Variants in PLEKHA5 observed in about 807,000 individuals in gnomAD.
PLEKHA5 encodes pleckstrin homology domain containing A5.
Under a neutral mutation model 181.9 loss-of-function variants are expected in PLEKHA5, and 55 were observed. That is an observed-to-expected ratio of 0.30 (90% CI 0.24 to 0.38). The LOEUF (loss-of-function observed/expected upper bound fraction) is 0.38, where lower values mean the gene tolerates loss of function less well. PLEKHA5 is among the 10% of genes least tolerant of loss of function. The probability of loss-of-function intolerance (pLI) is 1.00; values close to 1 mark genes in which losing one functional copy is unlikely to be tolerated. For missense variants in PLEKHA5, 1,432 were observed against 1,549.5 expected, an observed-to-expected ratio of 0.92 and a Z score of 1.27; for synonymous variants, 535 against 529.4, an observed-to-expected ratio of 1.01 and a Z score of -0.15.
intron 15 of PLEKHA5, among the ~76,000 whole-genome samples, chr12:19,307,838 A>G (rs1016420494): frequency 2.6e-5 from 4 of 152,104 alleles, no homozygotes; most frequent in African/African-American, 9.7e-5. Context: ...AGAGACAACA[A>G]CGAAGAAGCA....
intron 3 of PLEKHA5, among the ~76,000 whole-genome samples, chr12:19,135,893 T>G (rs1350110508): frequency 1.3e-5 from 2 of 151,738 alleles, no homozygotes; most frequent in East Asian, 3.9e-4. Flanking sequence ...TTTTTTTTTT[T>G]TTTTTGAGGG....
At chr12:19,179,373 T>G (rs2048018245) in intron 3 of PLEKHA5, among the ~76,000 whole-genome samples, 1 of 152,090 alleles carries the variant, frequency 6.6e-6, no homozygotes, top group African/African-American at 2.4e-5. Flanking sequence ...GAATGAAGTG[T>G]TGGCCGGGCG....
At chr12:19,272,162 A>C (rs1011172593) in intron 10 of PLEKHA5, among the ~76,000 whole-genome samples, 9 of 152,114 alleles carry the variant, frequency 5.9e-5, no homozygotes, top group Non-Finnish European at 1.3e-4. Context: ...TTGATGGCCC[A>C]AAGAAAAAAA....
intron 15 of PLEKHA5, among the ~76,000 whole-genome samples, chr12:19,295,877 T>G (rs1012084903): frequency 6.6e-6 from 1 of 152,186 alleles, no homozygotes; most frequent in African/African-American, 2.4e-5. Flanking sequence ...GTGCTATATC[T>G]GAAGACCAGA....
At chr12:19,134,793 T>C (rs2035112664) in intron 3 of PLEKHA5, among the ~76,000 whole-genome samples, 1 of 152,120 alleles carries the variant, frequency 6.6e-6, no homozygotes, top group Admixed American at 6.5e-5. Flanking sequence ...CTTTGGAACT[T>C]ACAGTTTGCA....
chr12:19,180,839 G>A (rs1211202961), intron 3 of PLEKHA5, among the ~76,000 whole-genome samples: 5 of 147,274 alleles, frequency 3.4e-5, no homozygotes, highest in African/African-American at 5.0e-5. Flanking sequence ...TCCTGAGACT[G>A]TGCTTTATAT....
chr12:19,284,605 T>C (rs975380772), intron 12 of PLEKHA5, among the ~76,000 whole-genome samples: 1 of 152,220 alleles, frequency 6.6e-6, no homozygotes, highest in Admixed American at 6.5e-5. Context: ...ATGTTTTACT[T>C]TGTATATTAA....
At chr12:19,154,546 G>C (rs1405330109) in intron 3 of PLEKHA5, 1 of 152,130 alleles carries the variant, frequency 6.6e-6, no homozygotes, top group African/African-American at 2.4e-5. Context: ...AATTATTCGG[G>C]AAAATGCCCA....
In PLEKHA5 at chr12:19,347,286, T is replaced by C. The variant is rs71539466; in HGVS notation, c.2898+104T>C. 771 of 555,886 alleles carry C rather than the reference T, an allele frequency of 1.4e-3. 1 individual carries two copies. The highest frequency in any genetic ancestry group is 5.1e-3 in the Middle Eastern group (10 of 1,948). The allele number at this position is 555,886 out of a possible 1,614,324, so 34.4% of individuals were successfully genotyped here. ...AACTTTTTTTTTATTATAACCTTTA[T>C]AACCTCATTTTTGGCCAGCAGTTTT... On this transcript the variant is annotated intron_variant, in intron 24 of 31. Coordinates refer to ENST00000429027, the MANE Select transcript of PLEKHA5 (RefSeq NM_001256470.2).
chr12:19,199,068 C>T (rs553757770), intron 3 of PLEKHA5, among the ~76,000 whole-genome samples: 1 of 152,108 alleles, frequency 6.6e-6, no homozygotes, highest in East Asian at 1.9e-4. Flanking sequence ...TAAGTAGATG[C>T]TAAGGATTTA....
intron 29 of PLEKHA5, among the ~76,000 whole-genome samples, chr12:19,362,609 A>G (rs1407892204): frequency 6.6e-6 from 1 of 152,080 alleles, no homozygotes; most frequent in African/African-American, 2.4e-5. Flanking sequence ...GTATTCAATA[A>G]ATGATACCTT....
chr12:19,316,641 T>C (rs1371984331), intron 16 of PLEKHA5, among the ~76,000 whole-genome samples: 3 of 152,214 alleles, frequency 2.0e-5, no homozygotes, highest in Non-Finnish European at 4.4e-5. Context: ...CAGTGTTAAC[T>C]CTCAGTGCTG....
intron 3 of PLEKHA5, among the ~76,000 whole-genome samples, chr12:19,221,740 C>T (rs149133115): frequency 4.6e-4 from 70 of 152,162 alleles, no homozygotes; most frequent in African/African-American, 1.6e-3. Context: ...AAGGTGCTCA[C>T]CTAATTAACT....
At chr12:19,362,563 T>C (rs1052185489) in intron 29 of PLEKHA5, among the ~76,000 whole-genome samples, 6 of 151,636 alleles carry the variant, frequency 4.0e-5, no homozygotes, top group African/African-American at 1.2e-4. Flanking sequence ...AGAAAATACA[T>C]GTACAGCACT....
At chr12:19,305,842 C>A (rs2083205865) in intron 15 of PLEKHA5, among the ~76,000 whole-genome samples, 1 of 71,470 alleles carries the variant, frequency 1.4e-5, no homozygotes, top group Non-Finnish European at 2.5e-5. Context: ...CCTGGGGCAA[C>A]AACAGCAAAA....
At chr12:19,259,277 AG>A (rs2152574592) in intron 6 of PLEKHA5, among the ~76,000 whole-genome samples, 1 of 152,110 alleles carries the variant, frequency 6.6e-6, no homozygotes, top group Admixed American at 6.5e-5. Context: ...CTGAAGTGGG[AG>A]GATCACTTGA....
intron 29 of PLEKHA5, among the ~76,000 whole-genome samples, chr12:19,364,060 C>A (rs983235544): frequency 6.6e-6 from 1 of 152,088 alleles, no homozygotes; most frequent in Admixed American, 6.6e-5. Context: ...TACTTGTTGG[C>A]CATTTTGGAG....
chr12:19,165,870 C>G (rs1485168347), intron 3 of PLEKHA5, among the ~76,000 whole-genome samples: 1 of 152,188 alleles, frequency 6.6e-6, no homozygotes, highest in Non-Finnish European at 1.5e-5. Flanking sequence ...ACAGTACATC[C>G]TCACTTAATG....
At chr12:19,171,057 G>A (rs1440029338) in intron 3 of PLEKHA5, among the ~76,000 whole-genome samples, 2 of 152,170 alleles carry the variant, frequency 1.3e-5, no homozygotes, top group Admixed American at 6.5e-5. Flanking sequence ...GTAATTAATT[G>A]TGATAGAGAT....
Sources: allele counts gnomAD v4.1 joint callset (sites outside exome capture counted in the v4.1 genomes callset), GRCh38; gene constraint gnomAD v4.1.1; transcripts MANE v1.5; gene names NCBI Gene and HGNC (gene_info 2026-07-23, HGNC 2026-07-21).